The following INTS9 variants were observed in gnomAD, a reference collection of about 807,000 sequenced individuals.
INTS9 encodes protein related to CPSF subunits of 74 kDa.
In INTS9, 55 loss-of-function variants were observed where a neutral mutation model predicts 79.7. That is an observed-to-expected ratio of 0.69 (90% CI 0.56 to 0.86). The LOEUF (loss-of-function observed/expected upper bound fraction) is 0.86. Ranked by LOEUF, INTS9 falls within the 40% of genes least tolerant of loss-of-function variation. The pLI is 0.00. For missense variants in INTS9, 721 were observed against 831.5 expected, an observed-to-expected ratio of 0.87 and a Z score of 1.64; for synonymous variants, 319 against 325.2, an observed-to-expected ratio of 0.98 and a Z score of 0.20.
intron 1 of INTS9, 66 bp downstream of exon 1, chr8:28,889,808 G>C: frequency 1.3e-6 from 2 of 1,592,862 alleles, no homozygotes; most frequent in Non-Finnish European, 1.7e-6. Context: ...GCCCAACGTA[G>C]GAAAAAAAGA....
chr8:28,831,263 C>T (rs541838512), intron 6 of INTS9, among the ~76,000 whole-genome samples: 1 of 152,272 alleles, frequency 6.6e-6, no homozygotes, highest in African/African-American at 2.4e-5. Flanking sequence ...AACGAGAACA[C>T]ATGAACACAG....
chr8:28,770,940 C>T (rs751361074), intron 15 of INTS9, 42 bp downstream of exon 15: 2 of 1,413,696 alleles, frequency 1.4e-6, no homozygotes, highest in Non-Finnish European at 9.9e-7. Context: ...TGGTTTCTTG[C>T]TGGGGAGAGG....
chr8:28,855,596 A>C (rs1808106294), intron 2 of INTS9, among the ~76,000 whole-genome samples: 1 of 152,240 alleles, frequency 6.6e-6, no homozygotes, highest in African/African-American at 2.4e-5. Flanking sequence ...ACGGACTGGG[A>C]AAGTCTTCCA....
At chr8:28,815,585 T>C (rs1563270479) in intron 6 of INTS9, among the ~76,000 whole-genome samples, 1 of 152,082 alleles carries the variant, frequency 6.6e-6, no homozygotes. Context: ...TATTCCAAAA[T>C]CGGAAAAAGT....
In INTS9 at chr8:28,792,983, CA is replaced by C. The variant is rs568636715; in HGVS notation, c.1037+823del. ...AGAGACGCCTGTATGAGTCTAAACA[CA>C]GCGGGGAAAAAAACGACCACAGAAG... On this transcript the variant is annotated intron_variant, in intron 10 of 16. Transcript: ENST00000521022. Among the ~76,000 whole-genome samples, 74 of 150,144 alleles carry C rather than the reference CA, an allele frequency of 4.9e-4. No homozygotes were observed. The East Asian group carries it at 9.5e-3, about 19-fold the overall frequency.
chr8:28,782,633 G>A (rs1197486681), intron 11 of INTS9, among the ~76,000 whole-genome samples: 2 of 152,216 alleles, frequency 1.3e-5, no homozygotes, highest in African/African-American at 4.8e-5. Flanking sequence ...ATTAAGAAAT[G>A]GGCTAGGCAC....
chr8:28,788,384 T>C (rs1264135764), intron 10 of INTS9, among the ~76,000 whole-genome samples: 1 of 122,530 alleles, frequency 8.2e-6, no homozygotes, highest in Non-Finnish European at 1.8e-5. Context: ...ACAAAGAAAG[T>C]GATCTACACC....
At chr8:28,814,038 C>G (rs1805316381) in intron 6 of INTS9, among the ~76,000 whole-genome samples, 1 of 150,180 alleles carries the variant, frequency 6.7e-6, no homozygotes, top group African/African-American at 2.5e-5. Context: ...GGATTACAGG[C>G]ATGAGCCACC....
chr8:28,780,431 C>A (rs558557786), intron 12 of INTS9: 2 of 985,194 alleles, frequency 2.0e-6, no homozygotes, highest in Non-Finnish European at 2.4e-6. Context: ...GGATTTGTCT[C>A]CAGAAGAAAA....
At chr8:28,871,594 T>A (rs1337308669) in intron 1 of INTS9, among the ~76,000 whole-genome samples, 1 of 151,926 alleles carries the variant, frequency 6.6e-6, no homozygotes, top group African/African-American at 2.4e-5. Flanking sequence ...TTTGTGGAGA[T>A]GAAGCCTCAC....
Position 28,832,946 on chromosome 8 carries a change from G to C in INTS9, c.488+2346C>G, listed in dbSNP as rs1049139150. ...CCACTGCACTCCAGCCTGGGAGACA[G>C]AGCGAAACTCCATCTCAAAAAAAAA... On this transcript the variant is annotated intron_variant, in intron 6 of 16. Coordinates refer to ENST00000521022, the MANE Select transcript of INTS9 (RefSeq NM_018250.4). Among the ~76,000 whole-genome samples, 4 of 151,832 alleles carry C rather than the reference G, an allele frequency of 2.6e-5. 1 individual carries two copies. The highest frequency in any genetic ancestry group is 4.2e-4 in the South Asian group (2 of 4,796).
chr8:28,867,568 C>G (rs1013484934), intron 1 of INTS9, among the ~76,000 whole-genome samples: 1 of 52,896 alleles, frequency 1.9e-5, no homozygotes, highest in Admixed American at 2.0e-4. Context: ...AACAAAATGA[C>G]AGCCAGCCAA....
chr8:28,879,688 T>C (rs1359259005), intron 1 of INTS9, among the ~76,000 whole-genome samples: 1 of 151,980 alleles, frequency 6.6e-6, no homozygotes, highest in Non-Finnish European at 1.5e-5. Flanking sequence ...GGTGCAGGAA[T>C]AAACAAAATG....
At chr8:28,883,074 C>T (rs190861136) in intron 1 of INTS9, among the ~76,000 whole-genome samples, 4 of 152,342 alleles carry the variant, frequency 2.6e-5, no homozygotes, top group African/African-American at 9.6e-5. Context: ...TTTCTTAGCC[C>T]TGCCTGATGT....
Position 28,870,135 on chromosome 8 carries a change from C to A in INTS9, c.10-10572G>T, listed in dbSNP as rs557418288. Among the ~76,000 whole-genome samples, 17 of 152,030 alleles carry A rather than the reference C, an allele frequency of 1.1e-4. No homozygotes were observed. The East Asian group carries it at 3.1e-3, about 28-fold the overall frequency. ...TAATTATAGTTGATGAAAAAAAGTTCATGGAACTATATATGTGACTGTTTG... is the reference window on the plus strand; with the variant it reads ...TAATTATAGTTGATGAAAAAAAGTTAATGGAACTATATATGTGACTGTTTG... On this transcript the variant is annotated intron_variant, in intron 1 of 16. Transcript: ENST00000521022.
intron 8 of INTS9, among the ~76,000 whole-genome samples, chr8:28,797,491 A>T (rs575252681): frequency 6.6e-6 from 1 of 152,302 alleles, no homozygotes; most frequent in Admixed American, 6.5e-5. Flanking sequence ...TAAGTCTCAC[A>T]GGTTAACATC....
chr8:28,866,399 T>C (rs1808744336), intron 1 of INTS9, among the ~76,000 whole-genome samples: 1 of 152,112 alleles, frequency 6.6e-6, no homozygotes, highest in African/African-American at 2.4e-5. Flanking sequence ...CATTTTATGT[T>C]GATTTCTCAG....
chr8:28,791,631 G>C (rs1803924772), intron 10 of INTS9, among the ~76,000 whole-genome samples: 1 of 152,200 alleles, frequency 6.6e-6, no homozygotes, highest in Non-Finnish European at 1.5e-5. Context: ...GTGTGTGTGT[G>C]GGTATGTGTG....
chr8:28,835,380 T>A lies in INTS9; in HGVS notation c.402-2A>T, dbSNP rs766225171. On this transcript the variant is annotated splice_acceptor_variant, in intron 5 of 16. Coordinates refer to ENST00000521022, the MANE Select transcript of INTS9 (RefSeq NM_018250.4). LOFTEE classifies it high-confidence loss of function. ...TTCACCAGCTCTTCCATGAGAAGCC[T>A]GAGTTTAAACAAAACAAGTGAGGAA... 1 of 1,611,608 alleles carries A rather than the reference T, an allele frequency of 6.2e-7. No homozygotes were observed. Among genetic ancestry groups the A allele is most frequent in the Non-Finnish European group, 8.5e-7 (1 of 1,178,130 alleles).
Sources: allele counts gnomAD v4.1 joint callset (sites outside exome capture counted in the v4.1 genomes callset), GRCh38; gene constraint gnomAD v4.1.1; transcripts MANE v1.5; gene names NCBI Gene and HGNC (gene_info 2026-07-23, HGNC 2026-07-21).